CTNNA2: variants seen among roughly 807,000 people sequenced by gnomAD.
CTNNA2 encodes the protein catenin alpha 2.
In CTNNA2, 42 loss-of-function variants were observed where a neutral mutation model predicts 101.0. The ratio of observed to expected loss-of-function variants is 0.42; its 90% confidence interval spans 0.32 to 0.54. CTNNA2 has a LOEUF of 0.54. CTNNA2 is among the 20% of genes least tolerant of loss of function. The probability of loss-of-function intolerance (pLI) is 0.14; values close to 1 mark genes in which losing one functional copy is unlikely to be tolerated. For synonymous variants in CTNNA2, 450 were observed against 456.4 expected (o/e 0.99, Z 0.18); for missense variants, 871 against 1,223.1 (o/e 0.71, Z 4.29).
chr2:80,125,013 G>A (rs1241785405), intron 7 of CTNNA2, among the ~76,000 whole-genome samples: 4 of 152,222 alleles, frequency 2.6e-5, no homozygotes, highest in Admixed American at 2.6e-4. Flanking sequence ...TTGCCAGCTT[G>A]GAAGAGAACA....
chr2:79,679,511 T>G (rs1274338724), intron 2 of CTNNA2, among the ~76,000 whole-genome samples: 1 of 152,100 alleles, frequency 6.6e-6, no homozygotes, highest in South Asian at 2.1e-4. Context: ...GTCTCTGCCC[T>G]GTTCCCATTG....
chr2:80,236,301 A>G (rs1245292213), intron 7 of CTNNA2, among the ~76,000 whole-genome samples: 1 of 152,104 alleles, frequency 6.6e-6, no homozygotes, highest in Non-Finnish European at 1.5e-5. Context: ...TGGTAGAGTG[A>G]TTTGTATTCC....
intron 9 of CTNNA2, among the ~76,000 whole-genome samples, chr2:80,423,857 C>A (rs1680744812): frequency 6.6e-6 from 1 of 152,076 alleles, no homozygotes; most frequent in Non-Finnish European, 1.5e-5. Context: ...TTTGTATTTC[C>A]CAATAGCAAT....
intron 7 of CTNNA2, among the ~76,000 whole-genome samples, chr2:80,359,697 C>A (rs1674204153): frequency 6.6e-6 from 1 of 152,076 alleles, no homozygotes; most frequent in Non-Finnish European, 1.5e-5. Flanking sequence ...GAACCATGAG[C>A]CCATTAAACC....
intron 9 of CTNNA2, among the ~76,000 whole-genome samples, chr2:80,419,804 A>T (rs1465990757): frequency 6.6e-6 from 1 of 152,046 alleles, no homozygotes; most frequent in Non-Finnish European, 1.5e-5. Flanking sequence ...TCTGTCTCAC[A>T]ATTCTAAGCA....
intron 7 of CTNNA2, among the ~76,000 whole-genome samples, chr2:80,232,333 GTTTGTTTGTTTGTTTTTTTTTTTTTTTT>G (rs1709266608): frequency 2.2e-4 from 10 of 45,346 alleles, no homozygotes; most frequent in Non-Finnish European, 3.0e-4. Context: ...TTGTTTGTTT[GTTTGTTTGTTTGTTTTTTTTTTTTTTTT>G]TTTTTTTTTT....
At chr2:79,302,769 G>T (rs974185487) in intron 2 of CTNNA2, among the ~76,000 whole-genome samples, 1 of 152,082 alleles carries the variant, frequency 6.6e-6, no homozygotes, top group Non-Finnish European at 1.5e-5. Context: ...TGCATAAATA[G>T]CTATCATTTC....
chr2:79,752,298 C>A (rs1167915527), intron 3 of CTNNA2, among the ~76,000 whole-genome samples: 4 of 151,962 alleles, frequency 2.6e-5, no homozygotes, highest in Non-Finnish European at 5.9e-5. Context: ...TCCTAAAATC[C>A]AAGGGAATAG....
intron 7 of CTNNA2, among the ~76,000 whole-genome samples, chr2:80,120,344 ATT>A (rs1368335205): frequency 6.6e-6 from 1 of 152,174 alleles, no homozygotes; most frequent in African/African-American, 2.4e-5. Flanking sequence ...GAAGAGTGGT[ATT>A]TGGATTTTGC....
intron 4 of CTNNA2, among the ~76,000 whole-genome samples, chr2:79,471,975 T>C (rs1303284402): frequency 2.6e-5 from 4 of 152,152 alleles, no homozygotes; most frequent in Non-Finnish European, 2.9e-5. Flanking sequence ...ATCCCCAAAG[T>C]CTTAATCCTT....
At position 79,816,611 on chromosome 2, in the gene CTNNA2, A is replaced by G. The variant is rs778251984; in HGVS notation, c.299-41402A>G. 3.9e-5 allele frequency among the ~76,000 whole-genome samples: 6 copies of G among 152,320 alleles called. No homozygotes were observed. The South Asian group carries it at 8.3e-4, about 21-fold the overall frequency. On this transcript the variant is annotated intron_variant, in intron 3 of 18. Coordinates refer to ENST00000402739, the MANE Select transcript of CTNNA2 (RefSeq NM_001282597.3). Reference sequence around the variant, plus strand: ...GAGTTCAAAGATCAACCCCGAGGCCATGGAAGAAAAGCACTGAAAATAATC... The same window carrying G: ...GAGTTCAAAGATCAACCCCGAGGCCGTGGAAGAAAAGCACTGAAAATAATC...
intron 2 of CTNNA2, among the ~76,000 whole-genome samples, chr2:79,242,595 A>G (rs527985556): frequency 6.6e-6 from 1 of 152,298 alleles, no homozygotes; most frequent in African/African-American, 2.4e-5. Flanking sequence ...ATAAAATAAC[A>G]TCACCTAACA....
chr2:79,411,251 G>A (rs547762530), intron 4 of CTNNA2, among the ~76,000 whole-genome samples: 1 of 151,792 alleles, frequency 6.6e-6, no homozygotes, highest in African/African-American at 2.4e-5. Flanking sequence ...CAAAAAACCA[G>A]CTCCTGGATT....
chr2:79,304,489 G>A (rs1046963348), intron 2 of CTNNA2, among the ~76,000 whole-genome samples: 1 of 152,182 alleles, frequency 6.6e-6, no homozygotes, highest in African/African-American at 2.4e-5. Flanking sequence ...AGGTGAGGCA[G>A]ACTAATGTCC....
chr2:79,374,020 C>T (rs1677929628), intron 4 of CTNNA2: 1 of 152,202 alleles, frequency 6.6e-6, no homozygotes, highest in East Asian at 1.9e-4. Flanking sequence ...AAAGGCAAGA[C>T]CTTTTTAACT....
intron 7 of CTNNA2, among the ~76,000 whole-genome samples, chr2:80,075,744 TAAAAATAATA>T (rs1698695015): frequency 1.8e-5 from 2 of 114,052 alleles, no homozygotes; most frequent in East Asian, 2.3e-4. Flanking sequence ...ATAAATATTA[TAAAAATAATA>T]TTTATACTTG....
At chr2:79,854,358 T>C (rs1298274401) in intron 3 of CTNNA2, among the ~76,000 whole-genome samples, 1 of 152,218 alleles carries the variant, frequency 6.6e-6, no homozygotes, top group African/African-American at 2.4e-5. Context: ...CCATGTTGGG[T>C]GCTTTGAATG....
intron 9 of CTNNA2, among the ~76,000 whole-genome samples, chr2:80,456,181 C>T (rs1385623496): frequency 6.6e-6 from 1 of 152,182 alleles, no homozygotes; most frequent in Non-Finnish European, 1.5e-5. Context: ...AGAAGCTGGA[C>T]ACCTGAGCTA....
At chr2:79,877,656 A>T (rs920980091) in intron 6 of CTNNA2, among the ~76,000 whole-genome samples, 2 of 152,098 alleles carry the variant, frequency 1.3e-5, no homozygotes, top group African/African-American at 4.8e-5. Flanking sequence ...TTGGGTGAAA[A>T]ACTCACTCAA....
Sources: allele counts gnomAD v4.1 joint callset (sites outside exome capture counted in the v4.1 genomes callset), GRCh38; gene constraint gnomAD v4.1.1; transcripts MANE v1.5; gene names NCBI Gene and HGNC (gene_info 2026-07-23, HGNC 2026-07-21).